The following RBM20 variants were observed in gnomAD, a reference collection of about 807,000 sequenced individuals.
RBM20 encodes RNA binding motif protein 20, also known as RNA-binding protein 20.
RBM20 carries 51 observed loss-of-function variants against 110.1 expected under a neutral mutation model. That is an observed-to-expected ratio of 0.46 (90% CI 0.37 to 0.59). The LOEUF (loss-of-function observed/expected upper bound fraction) is 0.59. Ranked by LOEUF, RBM20 falls within the 20% of genes least tolerant of loss-of-function variation. The pLI, the probability that RBM20 is intolerant of heterozygous loss-of-function variation, is 0.00. For synonymous variants in RBM20, 589 were observed against 618.2 expected (o/e 0.95, Z 0.70); for missense variants, 1,512 against 1,574.9 (o/e 0.96, Z 0.68).
chr10:110,801,427 CAA>C (rs34583233), intron 7 of RBM20, among the ~76,000 whole-genome samples: 8,339 of 134,768 alleles, frequency 0.062, 245 homozygotes, highest in Middle Eastern at 0.088. Context: ...AACTCCGTCT[CAA>C]AAAAAAAAAA....
intron 1 of RBM20, among the ~76,000 whole-genome samples, chr10:110,764,575 G>C (rs1013198262): frequency 2.6e-5 from 4 of 152,250 alleles, no homozygotes; most frequent in Non-Finnish European, 5.9e-5. Context: ...CCTTCCAGGC[G>C]GGTATGCCGT....
chr10:110,813,004 A>C, intron 9 of RBM20, 57 bp downstream of exon 9: 5 of 1,165,848 alleles, frequency 4.3e-6, no homozygotes, highest in Non-Finnish European at 5.9e-6. Context: ...GAGAATAATC[A>C]TAATAATATA....
At chr10:110,758,339 C>T (rs1039422534) in intron 1 of RBM20, among the ~76,000 whole-genome samples, 1 of 151,984 alleles carries the variant, frequency 6.6e-6, no homozygotes, top group Non-Finnish European at 1.5e-5. Context: ...TCCTATGGAG[C>T]TTATATTCCA....
intron 12 of RBM20, among the ~76,000 whole-genome samples, chr10:110,826,895 T>A (rs1254398315): frequency 6.6e-6 from 1 of 152,130 alleles, no homozygotes; most frequent in African/African-American, 2.4e-5. Context: ...GCCCGGCCAG[T>A]CTGTTTCTTT....
At position 110,821,845 on chromosome 10, in the gene RBM20, G is replaced by A; in HGVS notation, c.3226G>A (p.Ala1076Thr). The A allele has an allele frequency of 6.4e-7, 1 of 1,551,756 alleles. No individual in the cohort carries two copies. Among genetic ancestry groups the A allele is most frequent in the Non-Finnish European group, 8.7e-7 (1 of 1,147,014 alleles). Residue 1076 changes from alanine (A) to threonine (T), a missense_variant, in exon 11 of 14, where the codon GCT (alanine) becomes ACT (threonine). This residue lies in a region of RBM20 where 358 missense variants were observed against 384.2 expected (regional missense o/e 0.93). Coordinates refer to ENST00000369519, the MANE Select transcript of RBM20 (RefSeq NM_001134363.3). ...GACCAGGGGGACCCCCGAAGATGGG[G>A]CTTGTGAAGGCAGCCCCCTGGAGGA... is the stretch of plus-strand genomic sequence containing the variant. ...CKTRGTPEDG[A>T]CEGSPLEEKA...
intron 1 of RBM20, among the ~76,000 whole-genome samples, chr10:110,760,912 T>C (rs1213117934): frequency 6.7e-6 from 1 of 149,786 alleles, no homozygotes; most frequent in Non-Finnish European, 1.5e-5. Context: ...GACAATATGG[T>C]GAAACCTCAT....
At position 110,784,363 on chromosome 10, in the gene RBM20, G is replaced by A; in HGVS notation, c.1360G>A (p.Gly454Ser). 1 of 1,551,164 alleles carries A rather than the reference G, an allele frequency of 6.4e-7. No individual in the cohort carries two copies. Among genetic ancestry groups the A allele is most frequent in the Non-Finnish European group, 8.7e-7 (1 of 1,146,846 alleles). The change falls in exon 4 of 14, where the codon GGT becomes AGT. Residue 454 changes from glycine to serine, a missense_variant. This residue lies in a region of RBM20 where 1,149 missense variants were observed against 1,169.4 expected (regional missense o/e 0.98). Coordinates refer to ENST00000369519, the MANE Select transcript of RBM20 (RefSeq NM_001134363.3). ...CAGTGCTGGCATCCGGTGTATACTT[G>A]GTTCGGCAGAGGGAACATTGTGTGC... ...SENAGIRCILGSAEGTLCASP... is the reference protein window; with the variant it reads ...SENAGIRCILSSAEGTLCASP...
At chr10:110,697,012 T>A (rs1862674625) in intron 1 of RBM20, among the ~76,000 whole-genome samples, 1 of 152,188 alleles carries the variant, frequency 6.6e-6, no homozygotes, top group African/African-American at 2.4e-5. Context: ...TAGATTAGTT[T>A]TGTTGGGGAC....
chr10:110,828,384 G>C (rs1252413240), intron 12 of RBM20, among the ~76,000 whole-genome samples: 1 of 152,170 alleles, frequency 6.6e-6, no homozygotes, highest in Non-Finnish European at 1.5e-5. Flanking sequence ...ACCAGCTCTT[G>C]GGGTTTCTCC....
intron 2 of RBM20, among the ~76,000 whole-genome samples, chr10:110,782,517 A>G (rs75124033): frequency 0.023 from 3,485 of 152,320 alleles, 123 homozygotes; most frequent in African/African-American, 0.079. Flanking sequence ...AACAATTATA[A>G]CAAATACCAT....
chr10:110,748,438 A>G (rs1843810829), intron 1 of RBM20, among the ~76,000 whole-genome samples: 6 of 152,086 alleles, frequency 3.9e-5, no homozygotes, highest in Admixed American at 3.3e-4. Context: ...AGAGAGTGAT[A>G]TGGGGCAGAT....
intron 12 of RBM20, among the ~76,000 whole-genome samples, chr10:110,825,888 A>G (rs1285838873): frequency 6.6e-6 from 1 of 152,200 alleles, no homozygotes; most frequent in African/African-American, 2.4e-5. Context: ...TGAAATGCAG[A>G]GTCACACAGC....
At chr10:110,809,939 G>A (rs1844743352) in intron 7 of RBM20, among the ~76,000 whole-genome samples, 1 of 152,156 alleles carries the variant, frequency 6.6e-6, no homozygotes. Flanking sequence ...CAACCTCTCT[G>A]GCTCTAAGTT....
intron 1 of RBM20, among the ~76,000 whole-genome samples, chr10:110,716,682 G>A (rs1391600414): frequency 6.6e-6 from 1 of 152,070 alleles, no homozygotes; most frequent in Non-Finnish European, 1.5e-5. Context: ...GGGAGACCGA[G>A]GTGGGCAGAT....
At chr10:110,686,174 A>G (rs999604770) in intron 1 of RBM20, among the ~76,000 whole-genome samples, 2 of 152,186 alleles carry the variant, frequency 1.3e-5, no homozygotes, top group Non-Finnish European at 2.9e-5. Flanking sequence ...CTACATGACA[A>G]TGTCGTCATG....
intron 1 of RBM20, among the ~76,000 whole-genome samples, chr10:110,658,252 G>A (rs375318727): frequency 3.3e-5 from 5 of 152,180 alleles, no homozygotes; most frequent in South Asian, 2.1e-4. Flanking sequence ...AGAGCAGTTC[G>A]GTGGAGCAGG....
intron 1 of RBM20, among the ~76,000 whole-genome samples, chr10:110,666,373 T>C (rs1025945164): frequency 6.6e-6 from 1 of 152,158 alleles, no homozygotes; most frequent in Non-Finnish European, 1.5e-5. Flanking sequence ...CTGGGTGCAG[T>C]GGCTCATGCC....
chr10:110,745,483 T>C (rs560794625), intron 1 of RBM20, among the ~76,000 whole-genome samples: 1 of 152,332 alleles, frequency 6.6e-6, no homozygotes, highest in South Asian at 2.1e-4. Flanking sequence ...CTAGCTTTTG[T>C]GTACCTTCTT....
chr10:110,741,196 C>G (rs750736364), intron 1 of RBM20, among the ~76,000 whole-genome samples: 1 of 152,194 alleles, frequency 6.6e-6, no homozygotes, highest in Non-Finnish European at 1.5e-5. Context: ...CACCTAGGAC[C>G]TCTTCCACTC....
Sources: gnomAD v4.1 joint callset for allele counts (sites outside exome capture counted in the v4.1 genomes callset) on GRCh38, gnomAD v4.1.1 for gene constraint, gnomAD v4.1.1 regional missense constraint, MANE v1.5 for transcripts, NCBI Gene and HGNC (gene_info 2026-07-23, HGNC 2026-07-21) for gene names.